IFFO2: variants seen among roughly 807,000 people sequenced by gnomAD.
IFFO2 encodes the protein intermediate filament family orphan 2.
IFFO2 carries 19 observed loss-of-function variants against 53.5 expected under a neutral mutation model. The ratio of observed to expected loss-of-function variants is 0.36; its 90% confidence interval spans 0.25 to 0.52. The LOEUF is 0.52. Ranked by LOEUF, IFFO2 falls within the 20% of genes least tolerant of loss-of-function variation. The pLI, the probability that IFFO2 is intolerant of heterozygous loss-of-function variation, is 0.94. For missense variants in IFFO2, 570 were observed against 727.4 expected (o/e 0.78, Z 2.49); for synonymous variants, 303 against 313.6 (o/e 0.97, Z 0.36).
At chr1:18,948,125 C>G (rs1455234057) in intron 1 of IFFO2, among the ~76,000 whole-genome samples, 3 of 131,070 alleles carry the variant, frequency 2.3e-5, no homozygotes, top group Admixed American at 7.2e-5. Flanking sequence ...ATCACTGCAC[C>G]TAGCACAAAG....
rs556083007 is a variant in IFFO2, at chr1:18,920,926, G to C, written c.726+135C>G. The C allele has an allele frequency of 9.4e-5, 68 of 721,726 alleles. No individual in the cohort carries two copies. The African/African-American group carries it at 1.0e-3, about 11-fold the overall frequency. 44.7% of individuals were successfully genotyped at this position (721,726 alleles called of 1,614,324 possible). A position where few individuals can be genotyped will look rare whatever the true frequency, so the allele number is the denominator to read the frequency against. On this transcript the variant is annotated intron_variant, in intron 2 of 8. Coordinates refer to ENST00000455833, the MANE Select transcript of IFFO2 (RefSeq NM_001136265.2). ...AGGGATCTCTTGGCTCCATAAAGGA[G>C]AGACTGAGGTGGTAGGAGGTAACAG...
Position 18,919,787 on chromosome 1 carries a change from G to C in IFFO2, c.727-14C>G. On this transcript the variant is annotated splice_polypyrimidine_tract_variant and intron_variant, in intron 2 of 8. Transcript: ENST00000455833. The surrounding 1 kb of genome is among the most constrained non-coding windows in gnomAD (Gnocchi z 4.9). ...CTCCTGTGCTGCCTGCGGGGACGGAGATGGGGAGGCTTCAGAGGGGCCGGG... is the reference window on the plus strand; with the variant it reads ...CTCCTGTGCTGCCTGCGGGGACGGACATGGGGAGGCTTCAGAGGGGCCGGG... 1 of 1,540,786 alleles carries C rather than the reference G, an allele frequency of 6.5e-7. No individual in the cohort carries two copies. The highest frequency in any genetic ancestry group is 8.8e-7 in the Non-Finnish European group (1 of 1,137,422).
chr1:18,935,823 G>A (rs889184839), intron 1 of IFFO2, among the ~76,000 whole-genome samples: 3 of 149,674 alleles, frequency 2.0e-5, no homozygotes, highest in Non-Finnish European at 4.4e-5. Flanking sequence ...CCAAGTAGCT[G>A]GGATTATAGG....
In IFFO2 at chr1:18,952,211, T is replaced by C. The variant is rs540268063; in HGVS notation, c.665+3457A>G. On this transcript the variant is annotated intron_variant, in intron 1 of 8. Coordinates refer to ENST00000455833, the MANE Select transcript of IFFO2 (RefSeq NM_001136265.2). Reference sequence around the variant, plus strand: ...TGGTGACAGAGTAGAGATGTTTGTTTTGGTTTCCAAATCAACGCTTGACAA... The same window carrying C: ...TGGTGACAGAGTAGAGATGTTTGTTCTGGTTTCCAAATCAACGCTTGACAA... 1.0e-3 allele frequency among the ~76,000 whole-genome samples: 159 copies of C among 152,296 alleles called. 3 individuals carry two copies. The South Asian group carries it at 0.033, about 31-fold the overall frequency.
intron 1 of IFFO2, among the ~76,000 whole-genome samples, chr1:18,929,556 CCACCTGACATTCCCCT>C (rs1343889539): frequency 2.0e-5 from 3 of 152,146 alleles, no homozygotes; most frequent in Non-Finnish European, 4.4e-5. Flanking sequence ...TCACATTCCC[CCACCTGACATTCCCCT>C]CACCTGACAT....
intron 6 of IFFO2, 31 bp from the exon 7 acceptor site, chr1:18,911,507 TTTTATTTATTTA>T (rs71030110): frequency 0.027 from 14,389 of 527,832 alleles, 417 homozygotes; most frequent in African/African-American, 0.047. Context: ...GGACAGTTTA[TTTTATTTATTTA>T]TTTATTTATT....
At chr1:18,949,154 T>C (rs936045678) in intron 1 of IFFO2, among the ~76,000 whole-genome samples, 2 of 152,190 alleles carry the variant, frequency 1.3e-5, no homozygotes, top group African/African-American at 4.8e-5. Context: ...GTGTTGTCCG[T>C]CTTCTGTCCC....
chr1:18,927,697 C>A (rs1936323253), intron 1 of IFFO2, among the ~76,000 whole-genome samples: 1 of 152,266 alleles, frequency 6.6e-6, no homozygotes, highest in Admixed American at 6.5e-5. Context: ...AAAATAATAT[C>A]TGAGCTGGAA....
intron 1 of IFFO2, among the ~76,000 whole-genome samples, chr1:18,950,700 G>T (rs530030566): frequency 1.3e-5 from 2 of 152,336 alleles, no homozygotes; most frequent in South Asian, 4.1e-4. Flanking sequence ...CTATTCCAGG[G>T]CAGCCTTCGG....
chr1:18,939,192 C>A (rs570944133), intron 1 of IFFO2, among the ~76,000 whole-genome samples: 2 of 152,216 alleles, frequency 1.3e-5, no homozygotes, highest in African/African-American at 4.8e-5. Flanking sequence ...AGCCCAGGAC[C>A]GCCAGGAATC....
intron 1 of IFFO2, among the ~76,000 whole-genome samples, chr1:18,942,419 C>A (rs1192493122): frequency 2.0e-5 from 3 of 152,066 alleles, no homozygotes; most frequent in African/African-American, 7.2e-5. Context: ...CAGGCCAGGG[C>A]AGGAGGGAGG....
At position 18,919,922 on chromosome 1, in the gene IFFO2, C is replaced by T. The variant is rs1936193866; in HGVS notation, c.727-149G>A. The T allele has an allele frequency of 1.6e-6, 1 of 610,356 alleles. No individual in the cohort carries two copies. Among genetic ancestry groups the T allele is most frequent in the Non-Finnish European group, 2.9e-6 (1 of 341,926 alleles). The allele number at this position is 610,356 out of a possible 1,614,324, so 37.8% of individuals were successfully genotyped here. ...GGAAGGGGCACCAAGGACCTCATCC[C>T]AGCCTGACTTCCCACTGAACACTGT... On this transcript the variant is annotated intron_variant, in intron 2 of 8. Transcript: ENST00000455833. The surrounding 1 kb of genome is among the most constrained non-coding windows in gnomAD (Gnocchi z 4.9).
chr1:18,921,204 C>A, intron 1 of IFFO2, 83 bp from the exon 2 acceptor site: 3 of 1,194,572 alleles, frequency 2.5e-6, no homozygotes, highest in Non-Finnish European at 3.7e-6. Context: ...CAACACCCAC[C>A]CAGGGACTAT....
rs1369088421 is a variant in IFFO2, at chr1:18,917,491, A to G, written c.964-449T>C. ...AGGACAGACGGCCCAAGGTTCACCG[A>G]AAGCTTCCACTCCAAGCAGACAAGC... On this transcript the variant is annotated intron_variant, in intron 4 of 8. Coordinates refer to ENST00000455833, the MANE Select transcript of IFFO2 (RefSeq NM_001136265.2). The surrounding 1 kb of genome is among the most constrained non-coding windows in gnomAD (Gnocchi z 5.9). Among the ~76,000 whole-genome samples, 1 of 152,130 alleles carries G rather than the reference A, an allele frequency of 6.6e-6. No homozygotes were observed. Among genetic ancestry groups the G allele is most frequent in the East Asian group, 1.9e-4 (1 of 5,174 alleles).
intron 1 of IFFO2, 106 bp downstream of exon 1, chr1:18,955,562 T>C: frequency 7.1e-7 from 1 of 1,416,514 alleles, no homozygotes; most frequent in Non-Finnish European, 9.3e-7. Flanking sequence ...CCAGCCCACC[T>C]GCCAGTACCA....
chr1:18,928,039 C>T lies in IFFO2; in HGVS notation c.666-6918G>A, dbSNP rs900791238. ...CCACTGCTAACACAGGGCTCACCTC[C>T]TGGGCAGCTCAGCACTGATGCACGT... On this transcript the variant is annotated intron_variant, in intron 1 of 8. Transcript: ENST00000455833. The surrounding 1 kb of genome is among the most constrained non-coding windows in gnomAD (Gnocchi z 4.9). 1.9e-4 allele frequency among the ~76,000 whole-genome samples: 29 copies of T among 152,390 alleles called. No individual in the cohort carries two copies. The highest frequency in any genetic ancestry group is 6.5e-4 in the African/African-American group (27 of 41,598).
chr1:18,918,106 G>A lies in IFFO2; in HGVS notation c.963+256C>T, dbSNP rs1167693855. 2.6e-5 allele frequency among the ~76,000 whole-genome samples: 4 copies of A among 152,200 alleles called. No homozygotes were observed. The highest frequency in any genetic ancestry group is 4.4e-5 in the Non-Finnish European group (3 of 68,046). ...AGACTGATTTCTGCCACTTCCTTCC[G>A]TGAGCACAGCACATCACCCTCTGGG... On this transcript the variant is annotated intron_variant, in intron 4 of 8. Coordinates refer to ENST00000455833, the MANE Select transcript of IFFO2 (RefSeq NM_001136265.2). This position sits in a 1 kb window ranked among gnomAD's most constrained non-coding sequence, Gnocchi z 5.2.
At chr1:18,915,117 G>A (rs934600954) in intron 5 of IFFO2, among the ~76,000 whole-genome samples, 4 of 152,160 alleles carry the variant, frequency 2.6e-5, no homozygotes, top group Non-Finnish European at 4.4e-5. Flanking sequence ...GGCATGGCGT[G>A]GGGGACAAAG....
intron 1 of IFFO2, among the ~76,000 whole-genome samples, 185 bp downstream of exon 1, chr1:18,955,483 C>A: frequency 6.6e-6 from 1 of 152,220 alleles, no homozygotes; most frequent in East Asian, 1.9e-4. Flanking sequence ...AGCCAGCGCC[C>A]GCCCCCATCC....
Sources: gnomAD v4.1 joint callset for allele counts (sites outside exome capture counted in the v4.1 genomes callset) on GRCh38, gnomAD v4.1.1 for gene constraint, Gnocchi (gnomAD v3.1) non-coding constraint, MANE v1.5 for transcripts, NCBI Gene and HGNC (gene_info 2026-07-23, HGNC 2026-07-21) for gene names.